PPP3CA: variants seen among roughly 807,000 people sequenced by gnomAD.
PPP3CA encodes protein phosphatase 3 catalytic subunit alpha.
A neutral mutation model predicts 66.5 loss-of-function variants in PPP3CA; 14 were observed. The observed-to-expected ratio is 0.21, with a 90% CI of 0.14 to 0.33. The LOEUF (loss-of-function observed/expected upper bound fraction) is 0.33. PPP3CA is among the 10% of genes least tolerant of loss of function. PPP3CA has a pLI of 1.00. For synonymous variants in PPP3CA, 232 were observed against 226.2 expected, an observed-to-expected ratio of 1.03 and a Z score of -0.23; for missense variants, 317 against 639.5, an observed-to-expected ratio of 0.50 and a Z score of 5.44.
At chr4:101,091,841 A>G (rs1456914116) in intron 6 of PPP3CA, among the ~76,000 whole-genome samples, 1 of 145,384 alleles carries the variant, frequency 6.9e-6, no homozygotes, top group Non-Finnish European at 1.5e-5. Context: ...TAATAATAAT[A>G]ATAATAATAA....
At chr4:101,144,964 A>C (rs1402407355) in intron 2 of PPP3CA, among the ~76,000 whole-genome samples, 1 of 152,226 alleles carries the variant, frequency 6.6e-6, no homozygotes, top group African/African-American at 2.4e-5. Context: ...AACATATATG[A>C]ATACAAATAC....
chr4:101,035,093 T>C (rs988534102), intron 11 of PPP3CA, among the ~76,000 whole-genome samples: 51 of 152,044 alleles, frequency 3.4e-4, no homozygotes, highest in African/African-American at 1.2e-3. Context: ...TGGTGAAACC[T>C]CGTCTCTACT....
At chr4:101,337,026 G>C (rs1372669890) in intron 1 of PPP3CA, among the ~76,000 whole-genome samples, 1 of 152,176 alleles carries the variant, frequency 6.6e-6, no homozygotes, top group African/African-American at 2.4e-5. Flanking sequence ...CAGAAAATTA[G>C]ATTTCCATGG....
At chr4:101,339,248 T>A (rs1164674757) in intron 1 of PPP3CA, among the ~76,000 whole-genome samples, 1 of 152,032 alleles carries the variant, frequency 6.6e-6, no homozygotes, top group Admixed American at 6.6e-5. Context: ...TTTCATGAAA[T>A]TTACCAGGTC....
intron 1 of PPP3CA, among the ~76,000 whole-genome samples, chr4:101,265,018 C>A (rs1413452477): frequency 6.6e-6 from 1 of 152,192 alleles, no homozygotes; most frequent in Non-Finnish European, 1.5e-5. Flanking sequence ...AAAAGAAAAA[C>A]AATTCAGGAG....
intron 2 of PPP3CA, among the ~76,000 whole-genome samples, chr4:101,191,759 G>C (rs1221239932): frequency 6.6e-6 from 1 of 152,164 alleles, no homozygotes; most frequent in African/African-American, 2.4e-5. Flanking sequence ...GCTGCTGTAA[G>C]GGAAGGACTG....
intron 6 of PPP3CA, among the ~76,000 whole-genome samples, chr4:101,091,775 A>G (rs145142967): frequency 1.4e-4 from 21 of 150,544 alleles, no homozygotes; most frequent in African/African-American, 4.6e-4. Context: ...CCAGGGCTGG[A>G]ATTGAGCATT....
chr4:101,051,444 A>G (rs562805202), intron 10 of PPP3CA, among the ~76,000 whole-genome samples: 45 of 152,280 alleles, frequency 3.0e-4, no homozygotes, highest in African/African-American at 1.0e-3. Context: ...GAATCCATTA[A>G]TGCTTTAGTA....
rs1560605300 is a variant in PPP3CA at position 101,106,473 on chromosome 4, A to AGGAAG, written c.384+2480_384+2481insCTTCC. On this transcript the variant is annotated intron_variant, in intron 3 of 13. Coordinates refer to ENST00000394854, the MANE Select transcript of PPP3CA (RefSeq NM_000944.5). ...AGAAAGAGAAAAGAAAAGAAAAGAA[A>AGGAAG]AGAAAAGAAAAGAAAAGAAAAGAAA... 6.0e-4 allele frequency among the ~76,000 whole-genome samples: 26 copies of AGGAAG among 43,270 alleles called. 9 individuals are homozygous for AGGAAG. Among genetic ancestry groups the AGGAAG allele is most frequent in the African/African-American group, 4.2e-3 (26 of 6,128 alleles). The allele number at this position is 43,270 out of a possible 152,430, so 28.4% of individuals were successfully genotyped here. A position where few individuals can be genotyped will look rare whatever the true frequency, so the allele number is the denominator to read the frequency against.
intron 1 of PPP3CA, among the ~76,000 whole-genome samples, chr4:101,284,469 T>C (rs1357549260): frequency 6.6e-6 from 1 of 152,168 alleles, no homozygotes; most frequent in Non-Finnish European, 1.5e-5. Context: ...CTTTTGTTTC[T>C]GAACAGTACT....
intron 1 of PPP3CA, among the ~76,000 whole-genome samples, chr4:101,267,114 A>G (rs1038765844): frequency 1.3e-5 from 2 of 152,252 alleles, no homozygotes; most frequent in South Asian, 4.1e-4. Context: ...ATGTATACAC[A>G]GATTTCCACA....
chr4:101,124,100 CT>C (rs1361617774), intron 2 of PPP3CA, among the ~76,000 whole-genome samples: 2 of 152,072 alleles, frequency 1.3e-5, no homozygotes, highest in African/African-American at 4.8e-5. Flanking sequence ...TAGCATCAGG[CT>C]AGGCTTTTAA....
chr4:101,155,090 C>T (rs561657213), intron 2 of PPP3CA, among the ~76,000 whole-genome samples: 39 of 152,146 alleles, frequency 2.6e-4, no homozygotes, highest in Non-Finnish European at 4.6e-4. Context: ...GCTGGGATTA[C>T]GGGCGTGAGC....
intron 1 of PPP3CA, among the ~76,000 whole-genome samples, chr4:101,205,482 A>C (rs188066818): frequency 6.0e-4 from 91 of 152,298 alleles, no homozygotes; most frequent in Admixed American, 5.8e-3. Context: ...TAATCACTAT[A>C]AATTTTAGAA....
At chr4:101,329,530 T>C (rs1019814878) in intron 1 of PPP3CA, among the ~76,000 whole-genome samples, 1 of 152,148 alleles carries the variant, frequency 6.6e-6, no homozygotes, top group African/African-American at 2.4e-5. Context: ...CAATAACAAA[T>C]TTTCAATAGG....
At chr4:101,254,971 G>C (rs1456254366) in intron 1 of PPP3CA, among the ~76,000 whole-genome samples, 3 of 145,514 alleles carry the variant, frequency 2.1e-5, no homozygotes, top group Admixed American at 7.0e-5. Flanking sequence ...GAAATGAGTA[G>C]TATGTGAACG....
chr4:101,119,183 T>G (rs938788674), intron 2 of PPP3CA, among the ~76,000 whole-genome samples: 3 of 151,940 alleles, frequency 2.0e-5, no homozygotes, highest in Non-Finnish European at 4.4e-5. Flanking sequence ...TTGTTCTATA[T>G]TTTTCCACAT....
rs564332028 is a variant in PPP3CA, at chr4:101,115,444, T to C, written c.260-6366A>G. 8.5e-5 allele frequency among the ~76,000 whole-genome samples: 13 copies of C among 152,082 alleles called. No individual in the cohort carries two copies. In the East Asian group the frequency reaches 2.1e-3, roughly 25 times the overall value. On this transcript the variant is annotated intron_variant, in intron 2 of 13. Coordinates refer to ENST00000394854, the MANE Select transcript of PPP3CA (RefSeq NM_000944.5). ...TTCAAAACAAGAACCAATCTTGTTT[T>C]ATGTAAGTGTTAGGTATGCAAGTCT...
At chr4:101,134,374 G>A (rs1205427296) in intron 2 of PPP3CA, among the ~76,000 whole-genome samples, 1 of 151,964 alleles carries the variant, frequency 6.6e-6, no homozygotes, top group African/African-American at 2.4e-5. Context: ...AATGTACAAG[G>A]AACTTAAATT....
Sources: allele counts gnomAD v4.1 joint callset (sites outside exome capture counted in the v4.1 genomes callset), GRCh38; gene constraint gnomAD v4.1.1; transcripts MANE v1.5; gene names NCBI Gene and HGNC (gene_info 2026-07-23, HGNC 2026-07-21).